The following HLCS variants were observed in gnomAD, a reference collection of about 807,000 sequenced individuals.
HLCS encodes holocarboxylase synthetase.
HLCS carries 53 observed loss-of-function variants against 75.0 expected under a neutral mutation model. That is an observed-to-expected ratio of 0.71 (90% CI 0.57 to 0.89). HLCS has a LOEUF of 0.89. HLCS is among the 40% of genes least tolerant of loss of function. HLCS has a pLI of 0.00. For synonymous variants in HLCS, 431 were observed against 428.6 expected (o/e 1.01, Z -0.07); for missense variants, 966 against 1,074.0 (o/e 0.90, Z 1.41).
intron 6 of HLCS, among the ~76,000 whole-genome samples, chr21:36,819,320 G>A (rs573774566): frequency 8.9e-4 from 136 of 152,340 alleles, no homozygotes; most frequent in South Asian, 3.7e-3. Context: ...ATGGGAGGAT[G>A]AGAGAGGAGC....
intron 5 of HLCS, among the ~76,000 whole-genome samples, chr21:36,918,355 G>A (rs2066019791): frequency 6.6e-6 from 1 of 152,252 alleles, no homozygotes; most frequent in Admixed American, 6.5e-5. Flanking sequence ...GATATAAATA[G>A]AGGAATGATC....
chr21:36,756,088 T>C, intron 10 of HLCS, among the ~76,000 whole-genome samples: 1 of 152,140 alleles, frequency 6.6e-6, no homozygotes, highest in Admixed American at 6.5e-5. Context: ...CTGCAGTTTC[T>C]CTAACAGAGA....
Position 36,966,425 on chromosome 21 carries a change from G to GGGC in HLCS, c.195+18_195+19insGCC. On this transcript the variant is annotated intron_variant, in intron 1 of 10. Transcript: ENST00000674895. ...CCGGCTCGCGGGGCCCGGGTCGCCC[G>GGGC]CCCGCCCGACCCGCCCACCTGGCTG... 72 of 195,374 alleles carry GGGC rather than the reference G, an allele frequency of 3.7e-4. No individual in the cohort carries two copies. Among genetic ancestry groups the GGGC allele is most frequent in the South Asian group, 5.9e-4 (3 of 5,108 alleles). The allele number at this position is 195,374 out of a possible 1,614,324, so 12.1% of individuals were successfully genotyped here.
chr21:36,983,867 A>G (rs1184255596), intron 1 of HLCS, among the ~76,000 whole-genome samples: 1 of 151,666 alleles, frequency 6.6e-6, no homozygotes, highest in African/African-American at 2.4e-5. Flanking sequence ...TTTTTAAGAC[A>G]GGGTATATCA....
intron 6 of HLCS, among the ~76,000 whole-genome samples, chr21:36,821,783 GA>G (rs1365731272): frequency 6.6e-6 from 1 of 152,216 alleles, no homozygotes; most frequent in Non-Finnish European, 1.5e-5. Flanking sequence ...CGATTATCCT[GA>G]AACTGACAAG....
rs558945844 is a variant in HLCS, at chr21:36,825,709, A to C, written c.1893-58424T>G. On this transcript the variant is annotated intron_variant, in intron 6 of 10. Coordinates refer to ENST00000674895, the MANE Select transcript of HLCS (RefSeq NM_001352514.2). ...GATCCTGATGTCACCTGCAGGCCAC[A>C]TATGCATCTCCACCATCTCCAGACG... 5.9e-5 allele frequency among the ~76,000 whole-genome samples: 9 copies of C among 152,294 alleles called. No homozygotes were observed. The South Asian group carries it at 1.9e-3, about 32-fold the overall frequency.
At chr21:36,912,471 G>T (rs576898285) in intron 5 of HLCS, among the ~76,000 whole-genome samples, 5 of 152,142 alleles carry the variant, frequency 3.3e-5, no homozygotes, top group African/African-American at 1.2e-4. Flanking sequence ...TAGAACAGAG[G>T]TTACCAGGAG....
At chr21:36,954,714 T>C (rs2067843063) in intron 2 of HLCS, among the ~76,000 whole-genome samples, 1 of 151,760 alleles carries the variant, frequency 6.6e-6, no homozygotes, top group Admixed American at 6.6e-5. Context: ...ATGTTTTCTA[T>C]TATTTTAGAG....
At chr21:36,916,545 T>TTA (rs2065941145) in intron 5 of HLCS, among the ~76,000 whole-genome samples, 3 of 135,100 alleles carry the variant, frequency 2.2e-5, no homozygotes, top group Non-Finnish European at 1.5e-5. Flanking sequence ...TTTTTTTTTT[T>TTA]ATCTTTTGTA....
intron 1 of HLCS, chr21:36,980,997 G>A (rs934440659): frequency 2.0e-5 from 3 of 152,364 alleles, no homozygotes; most frequent in Admixed American, 6.5e-5. Context: ...CTGTCCTTTA[G>A]GGCTTGCCTC....
chr21:36,954,988 G>A (rs1211906258), intron 2 of HLCS, among the ~76,000 whole-genome samples: 1 of 152,140 alleles, frequency 6.6e-6, no homozygotes, highest in Non-Finnish European at 1.5e-5. Flanking sequence ...CTGGAACCTG[G>A]GGCCGGAGGT....
intron 1 of HLCS, among the ~76,000 whole-genome samples, chr21:36,976,774 A>T (rs912194878): frequency 6.6e-6 from 1 of 152,112 alleles, no homozygotes; most frequent in Non-Finnish European, 1.5e-5. Context: ...CATTCCACTG[A>T]ATTTCATCAG....
At chr21:36,973,127 G>C (rs1026074561) in intron 1 of HLCS, among the ~76,000 whole-genome samples, 6 of 151,838 alleles carry the variant, frequency 4.0e-5, no homozygotes, top group Admixed American at 2.0e-4. Flanking sequence ...CTTCTCGGGA[G>C]GCTGAGGTAG....
At chr21:36,829,809 C>G (rs2062135737) in intron 6 of HLCS, among the ~76,000 whole-genome samples, 1 of 152,216 alleles carries the variant, frequency 6.6e-6, no homozygotes, top group Non-Finnish European at 1.5e-5. Flanking sequence ...CTCCCCGGCC[C>G]TCTCCCGCAG....
At chr21:36,814,838 C>T (rs1310641800) in intron 6 of HLCS, among the ~76,000 whole-genome samples, 2 of 152,022 alleles carry the variant, frequency 1.3e-5, no homozygotes, top group Non-Finnish European at 2.9e-5. Flanking sequence ...GTTCAAAATT[C>T]GTTTCACTGG....
intron 2 of HLCS, among the ~76,000 whole-genome samples, chr21:36,954,982 A>C (rs1428590702): frequency 6.6e-6 from 1 of 152,178 alleles, no homozygotes; most frequent in Non-Finnish European, 1.5e-5. Flanking sequence ...GAATTGCTGG[A>C]ACCTGGGGCC....
intron 6 of HLCS, among the ~76,000 whole-genome samples, chr21:36,773,995 A>AT (rs1019945736): frequency 2.6e-5 from 4 of 152,082 alleles, no homozygotes; most frequent in African/African-American, 7.2e-5. Context: ...AATACGATTG[A>AT]TTTTTTTTAA....
At chr21:36,793,918 G>C (rs2060949629) in intron 6 of HLCS, among the ~76,000 whole-genome samples, 1 of 152,174 alleles carries the variant, frequency 6.6e-6, no homozygotes, top group Admixed American at 6.5e-5. Flanking sequence ...TTCAGTCATA[G>C]GGTTGTCAGG....
chr21:36,809,042 T>C (rs1264759962), intron 6 of HLCS, among the ~76,000 whole-genome samples: 1 of 152,048 alleles, frequency 6.6e-6, no homozygotes, highest in Non-Finnish European at 1.5e-5. Context: ...GGTGAGACCC[T>C]GTCTCTACTA....
Sources: allele counts gnomAD v4.1 joint callset (sites outside exome capture counted in the v4.1 genomes callset), GRCh38; gene constraint gnomAD v4.1.1; transcripts MANE v1.5; gene names NCBI Gene and HGNC (gene_info 2026-07-23, HGNC 2026-07-21).